HSF5: variants seen among roughly 807,000 people sequenced by gnomAD.
HSF5 encodes the protein heat shock transcription factor 5.
A neutral mutation model predicts 50.8 loss-of-function variants in HSF5; 5 were observed. That is an observed-to-expected ratio of 0.10 (90% confidence interval 0.05 to 0.21). HSF5 has a LOEUF of 0.21. HSF5 is among the 10% of genes least tolerant of loss of function. The pLI is 1.00. For synonymous variants in HSF5, 307 were observed against 307.4 expected, an observed-to-expected ratio of 1.00 and a Z score of 0.02; for missense variants, 564 against 762.6, an observed-to-expected ratio of 0.74 and a Z score of 3.07.
intron 3 of HSF5, 98 bp from the exon 4 acceptor site, chr17:58,463,401 T>G: frequency 1.1e-6 from 1 of 920,776 alleles, no homozygotes; most frequent in South Asian, 1.7e-5. Context: ...TAAACATAAA[T>G]AGATTAAACT....
chr17:58,455,644 CA>C (rs1198303958), intron 5 of HSF5, among the ~76,000 whole-genome samples: 1 of 151,752 alleles, frequency 6.6e-6, no homozygotes, highest in African/African-American at 2.4e-5. Context: ...AATAAAAAAA[CA>C]AAAAACAGTC....
Position 58,463,048 on chromosome 17 carries a change from C to T in HSF5, c.1276G>A (p.Ala426Thr), listed in dbSNP as rs747231728. The change falls in exon 4 of 6, where the codon GCT becomes ACT. Residue 426 changes from alanine (A) to threonine (T), a missense_variant. Transcript: ENST00000323777. ...GGAGTAAGTGGCTCCAGCTGGCTAG[C>T]CTGACTTGCAGAACATGGATTGCTG... The part of the protein sequence containing the change: ...NNSNPCSASQ[A>T]SQLEPLTPVG... 4 of 1,614,056 alleles carry T rather than the reference C, an allele frequency of 2.5e-6. No homozygotes were observed. The highest frequency in any genetic ancestry group is 4.5e-5 in the East Asian group (2 of 44,900).
chr17:58,442,661 A>G (rs1337854418), intron 5 of HSF5, among the ~76,000 whole-genome samples: 1 of 152,236 alleles, frequency 6.6e-6, no homozygotes, highest in African/African-American at 2.4e-5. Context: ...TAAGCCTTGC[A>G]TATCTGAGAC....
In HSF5 at chr17:58,422,086, C is replaced by T. The variant is rs2143716711; in HGVS notation, c.*274G>A. ...GTTTTTAGATGCTCCTTGACTATAA[C>T]AGAAGGTCAGAACTTTTCATTTAAA... On this transcript the variant is annotated 3_prime_UTR_variant, in exon 6 of 6. Coordinates refer to ENST00000323777, the MANE Select transcript of HSF5 (RefSeq NM_001080439.3). The T allele has an allele frequency of 2.9e-6, 1 of 346,632 alleles. No homozygotes were observed. The highest frequency in any genetic ancestry group is 5.3e-6 in the Non-Finnish European group (1 of 187,886). The allele number at this position is 346,632 out of a possible 1,614,324, so 21.5% of individuals were successfully genotyped here.
At chr17:58,477,528 C>T (rs1168107258) in intron 2 of HSF5, among the ~76,000 whole-genome samples, 2 of 150,324 alleles carry the variant, frequency 1.3e-5, no homozygotes, top group Admixed American at 6.6e-5. Flanking sequence ...GGCGCGATCT[C>T]GGCTCACTGC....
At chr17:58,461,213 CACAACAACA>C (rs36215581) in intron 4 of HSF5, among the ~76,000 whole-genome samples, 39,908 of 146,458 alleles carry the variant, frequency 0.27, 5,470 homozygotes, top group Non-Finnish European at 0.27. Context: ...GATTCCATCT[CACAACAACA>C]ACAACAACAA....
intron 5 of HSF5, among the ~76,000 whole-genome samples, chr17:58,423,068 A>G (rs1974247685): frequency 6.6e-6 from 1 of 152,164 alleles, no homozygotes; most frequent in South Asian, 2.1e-4. Context: ...ATACACATAC[A>G]AATAAAAATT....
chr17:58,479,774 G>T, intron 2 of HSF5, 119 bp downstream of exon 2: 1 of 808,180 alleles, frequency 1.2e-6, no homozygotes, highest in Non-Finnish European at 1.9e-6. Flanking sequence ...CCATTTCTTA[G>T]GTGTACATTC....
At chr17:58,432,575 C>G (rs1158061117) in intron 5 of HSF5, among the ~76,000 whole-genome samples, 1 of 152,076 alleles carries the variant, frequency 6.6e-6, no homozygotes, top group Non-Finnish European at 1.5e-5. Flanking sequence ...TGGGGCTGGA[C>G]TAGATGAGGG....
At chr17:58,478,848 A>G (rs1235517351) in intron 2 of HSF5, among the ~76,000 whole-genome samples, 1 of 141,984 alleles carries the variant, frequency 7.0e-6, no homozygotes, top group East Asian at 2.1e-4. Context: ...GGGCAACAAG[A>G]GTGAAACTCC....
Position 58,474,941 on chromosome 17 carries a change from T to C in HSF5, c.925+4952A>G, listed in dbSNP as rs558408533. Among the ~76,000 whole-genome samples, 179 of 152,278 alleles carry C rather than the reference T, an allele frequency of 1.2e-3. 2 individuals carry two copies. The highest frequency in any genetic ancestry group is 4.1e-3 in the African/African-American group (171 of 41,564). On this transcript the variant is annotated intron_variant, in intron 2 of 5. Coordinates refer to ENST00000323777, the MANE Select transcript of HSF5 (RefSeq NM_001080439.3). The stretch of plus-strand genomic sequence containing the variant: ...CTTCAAAGAAGTAGCTGGGCAAATC[T>C]GGGGGAAAAAATTAGGCCTTAACCA...
chr17:58,438,628 C>T (rs1974457782), intron 5 of HSF5, among the ~76,000 whole-genome samples: 1 of 152,006 alleles, frequency 6.6e-6, no homozygotes, highest in South Asian at 2.1e-4. Context: ...ACAAAAATCA[C>T]AAGGTGTTGA....
chr17:58,428,175 T>C (rs775711439), intron 5 of HSF5, among the ~76,000 whole-genome samples: 6 of 152,222 alleles, frequency 3.9e-5, no homozygotes, highest in Non-Finnish European at 7.3e-5. Context: ...CAGGGCTTAG[T>C]TTACTAACTC....
chr17:58,474,998 T>G (rs1974993153), intron 2 of HSF5, among the ~76,000 whole-genome samples: 1 of 152,208 alleles, frequency 6.6e-6, no homozygotes, highest in South Asian at 2.1e-4. Flanking sequence ...AAAAATTTTT[T>G]TTTAATTTCT....
At chr17:58,458,310 T>C (rs1382258506) in intron 5 of HSF5, among the ~76,000 whole-genome samples, 1 of 152,204 alleles carries the variant, frequency 6.6e-6, no homozygotes, top group East Asian at 1.9e-4. Flanking sequence ...TCATACTTTA[T>C]AGTATCTTTA....
chr17:58,472,587 CCTCA>C (rs1308528679), intron 2 of HSF5, among the ~76,000 whole-genome samples: 19 of 152,052 alleles, frequency 1.2e-4, no homozygotes, highest in African/African-American at 4.4e-4. Context: ...TTATTTAATT[CCTCA>C]CTCAAACTAT....
intron 5 of HSF5, among the ~76,000 whole-genome samples, chr17:58,443,468 T>C (rs2143750435): frequency 6.6e-6 from 1 of 152,300 alleles, no homozygotes; most frequent in South Asian, 2.1e-4. Flanking sequence ...AACTACTCTA[T>C]ATATGACCCG....
At chr17:58,470,859 G>T (rs1433749130) in intron 2 of HSF5, among the ~76,000 whole-genome samples, 1 of 152,188 alleles carries the variant, frequency 6.6e-6, no homozygotes, top group African/African-American at 2.4e-5. Context: ...CCGGGAGGCA[G>T]AGGTTGCAGT....
intron 2 of HSF5, among the ~76,000 whole-genome samples, chr17:58,478,736 A>G (rs935675680): frequency 2.0e-5 from 3 of 149,204 alleles, no homozygotes; most frequent in Admixed American, 2.0e-4. Flanking sequence ...GGTGATGGAC[A>G]TCTGTAATCC....
Sources: allele counts gnomAD v4.1 joint callset (sites outside exome capture counted in the v4.1 genomes callset), GRCh38; gene constraint gnomAD v4.1.1; transcripts MANE v1.5; gene names NCBI Gene and HGNC (gene_info 2026-07-23, HGNC 2026-07-21).